The following MYO18B variants were observed in gnomAD, a reference collection of about 807,000 sequenced individuals.
MYO18B encodes myosin XVIIIB, also known as unconventional myosin-XVIIIb.
MYO18B carries 204 observed loss-of-function variants against 273.0 expected under a neutral mutation model. The observed-to-expected ratio is 0.75, with a 90% CI of 0.67 to 0.84. The LOEUF is 0.84. Ranked by LOEUF, MYO18B falls within the 40% of genes least tolerant of loss-of-function variation. The probability of loss-of-function intolerance (pLI) is 0.00; values close to 1 mark genes in which losing one functional copy is unlikely to be tolerated. For synonymous variants in MYO18B, 1,330 were observed against 1,305.7 expected, an observed-to-expected ratio of 1.02 and a Z score of -0.40; for missense variants, 3,212 against 3,287.6, an observed-to-expected ratio of 0.98 and a Z score of 0.56.
intron 42 of MYO18B, among the ~76,000 whole-genome samples, chr22:26,008,601 A>G (rs1027514638): frequency 1.3e-5 from 2 of 152,022 alleles, no homozygotes; most frequent in South Asian, 2.1e-4. Context: ...CCTAGGAATC[A>G]TGCTGCTGCC....
intron 36 of MYO18B, among the ~76,000 whole-genome samples, 198 bp downstream of exon 36, chr22:25,948,026 C>G (rs1445790198): frequency 6.6e-6 from 1 of 152,216 alleles, no homozygotes; most frequent in African/African-American, 2.4e-5. Context: ...GTGTGCATCT[C>G]TGGAGGACGT....
intron 11 of MYO18B, among the ~76,000 whole-genome samples, chr22:25,793,635 G>A (rs1015147536): frequency 2.6e-5 from 4 of 152,246 alleles, no homozygotes; most frequent in African/African-American, 7.2e-5. Context: ...TCTAGAGGGC[G>A]TCCAGCTCTG....
chr22:25,948,520 CTTTCTTT>C (rs2092752793), intron 36 of MYO18B, among the ~76,000 whole-genome samples: 3 of 83,898 alleles, frequency 3.6e-5, no homozygotes, highest in Admixed American at 1.4e-4. Flanking sequence ...CTCTTTCCTT[CTTTCTTT>C]CTTCCTTCCT....
At position 25,834,760 on chromosome 22, in the gene MYO18B, A is replaced by G. The variant is rs982832205; in HGVS notation, c.3061-536A>G. ...AGCTTGTGGCTAGATTTCAAATTCT[A>G]CGTCAGTGCTATTGACTCGTGTTCA... On this transcript the variant is annotated intron_variant, in intron 16 of 43. Coordinates refer to ENST00000335473, the MANE Select transcript of MYO18B (RefSeq NM_032608.7). Among the ~76,000 whole-genome samples, 6 of 152,294 alleles carry G rather than the reference A, an allele frequency of 3.9e-5. No individual in the cohort carries two copies. In the South Asian group the frequency reaches 6.2e-4, roughly 16 times the overall value.
At chr22:25,948,104 A>G (rs894819765) in intron 36 of MYO18B, among the ~76,000 whole-genome samples, 3 of 152,100 alleles carry the variant, frequency 2.0e-5, no homozygotes, top group African/African-American at 7.2e-5. Flanking sequence ...TCGATCATTC[A>G]TCTGCTCATC....
chr22:26,056,829 A>G, the MYO18B span, among the ~76,000 whole-genome samples: 3 of 152,190 alleles, frequency 2.0e-5, no homozygotes, highest in Admixed American at 6.5e-5. Flanking sequence ...TGGCTTTTTC[A>G]AACAGCATAA....
At chr22:26,021,426 C>G (rs1281222934) in intron 42 of MYO18B, among the ~76,000 whole-genome samples, 1 of 152,214 alleles carries the variant, frequency 6.6e-6, no homozygotes, top group Non-Finnish European at 1.5e-5. Context: ...TGCCTGAGGA[C>G]TGGCAATTCA....
intron 43 of MYO18B, among the ~76,000 whole-genome samples, chr22:26,029,128 G>C (rs564734143): frequency 6.6e-6 from 1 of 152,260 alleles, no homozygotes; most frequent in South Asian, 2.1e-4. Context: ...GTTTTCCCTA[G>C]GGACACATTC....
chr22:25,854,365 A>G lies in MYO18B; in HGVS notation c.3885+2786A>G, dbSNP rs1309443577. Reference sequence around the variant, plus strand: ...CATGAGCTAAGACAGTATTCAAAATATAATTCCCACTCTGGGAATCATCCT... The same window carrying G: ...CATGAGCTAAGACAGTATTCAAAATGTAATTCCCACTCTGGGAATCATCCT... On this transcript the variant is annotated intron_variant, in intron 21 of 43. Coordinates refer to ENST00000335473, the MANE Select transcript of MYO18B (RefSeq NM_032608.7). Among the ~76,000 whole-genome samples, 3 of 152,216 alleles carry G rather than the reference A, an allele frequency of 2.0e-5. No individual in the cohort carries two copies. In the East Asian group the frequency reaches 5.8e-4, roughly 29 times the overall value.
At chr22:26,006,257 G>A (rs1401549671) in intron 42 of MYO18B, 2 of 154,198 alleles carry the variant, frequency 1.3e-5, no homozygotes, top group Non-Finnish European at 2.9e-5. Context: ...ATGGGAGATG[G>A]TAGGGTATTA....
rs547536320 is a variant in MYO18B at position 25,957,307 on chromosome 22, C to T, written c.6156+1943C>T. ...TCTTTTCTCTCTTTCCTCTCCCTGT[C>T]CCCATTCCTGGGGCCATATTCTGAT... On this transcript the variant is annotated intron_variant, in intron 39 of 43. Transcript: ENST00000335473. Among the ~76,000 whole-genome samples, 3 of 152,338 alleles carry T rather than the reference C, an allele frequency of 2.0e-5. No homozygotes were observed. In the South Asian group the frequency reaches 6.2e-4, roughly 32 times the overall value.
intron 39 of MYO18B, chr22:25,964,259 A>G (rs911085849): frequency 1.3e-5 from 2 of 152,266 alleles, no homozygotes; most frequent in African/African-American, 4.8e-5. Context: ...TTACAGCTAG[A>G]TCGCCCTCAC....
chr22:25,933,782 T>A (rs1385871909), intron 34 of MYO18B, among the ~76,000 whole-genome samples: 1 of 152,218 alleles, frequency 6.6e-6, no homozygotes, highest in Admixed American at 6.5e-5. Flanking sequence ...AGAGCCAGTA[T>A]GAACATTTTT....
chr22:25,986,981 T>C (rs1400919055), intron 39 of MYO18B, among the ~76,000 whole-genome samples: 1 of 152,226 alleles, frequency 6.6e-6, no homozygotes, highest in Non-Finnish European at 1.5e-5. Flanking sequence ...TTGTCTTTGC[T>C]AAATCAGAAG....
chr22:25,799,078 T>G (rs1473329195), intron 12 of MYO18B, among the ~76,000 whole-genome samples: 9 of 151,992 alleles, frequency 5.9e-5, no homozygotes, highest in Admixed American at 5.9e-4. Flanking sequence ...GTGACATCAT[T>G]TCTGTCCTAG....
chr22:25,921,400 G>A lies in MYO18B; in HGVS notation c.5508G>A (p.Val1836=), dbSNP rs755066468. The A allele has an allele frequency of 2.5e-6, 4 of 1,601,322 alleles. No homozygotes were observed. The South Asian group carries it at 3.4e-5, about 14-fold the overall frequency. ...TSVSKEELEK[V]HSQLEQSEAK... ...TCAGCAAGGAGGAGCTGGAGAAAGT[G>A]CACAGCCAGGTGGGTGTCACGGGAT... The change falls in exon 34 of 44, where the codon GTG becomes GTA. Residue 1836 remains valine (V), a synonymous_variant. Coordinates refer to ENST00000335473, the MANE Select transcript of MYO18B (RefSeq NM_032608.7).
chr22:25,877,575 C>T (rs2091234862), intron 24 of MYO18B, among the ~76,000 whole-genome samples: 1 of 152,142 alleles, frequency 6.6e-6, no homozygotes. Context: ...TCAAGTGATT[C>T]TCCTGCCTCA....
rs1259131077 is a variant in MYO18B at position 25,752,210 on chromosome 22, C to T, written c.-109-8774C>T. On this transcript the variant is annotated intron_variant, in intron 1 of 43. Transcript: ENST00000335473. ...TTAATTTTTTTTTTTTTTTTTGAGACGGAGTCTCGCTCTGTCGCCCAGGCT... is the reference window on the plus strand; with the variant it reads ...TTAATTTTTTTTTTTTTTTTTGAGATGGAGTCTCGCTCTGTCGCCCAGGCT... Among the ~76,000 whole-genome samples the T allele has an allele frequency of 5.7e-4, 82 of 143,500 alleles. 1 individual carries two copies. In the South Asian group the frequency reaches 0.017, roughly 30 times the overall value. 94.1% of individuals were successfully genotyped at this position (143,500 alleles called of 152,430 possible).
At chr22:25,798,673 C>T (rs572092805) in intron 12 of MYO18B, among the ~76,000 whole-genome samples, 2 of 152,304 alleles carry the variant, frequency 1.3e-5, no homozygotes, top group South Asian at 4.1e-4. Context: ...AATCCTCCCG[C>T]CTCAGCCTCC....
Sources: allele counts gnomAD v4.1 joint callset (sites outside exome capture counted in the v4.1 genomes callset), GRCh38; gene constraint gnomAD v4.1.1; transcripts MANE v1.5; gene names NCBI Gene and HGNC (gene_info 2026-07-23, HGNC 2026-07-21).